DLC1: variants seen among roughly 807,000 people sequenced by gnomAD.
DLC1 encodes DLC1 Rho GTPase activating protein, also known as rho GTPase-activating protein 7.
Under a neutral mutation model 140.3 loss-of-function variants are expected in DLC1, and 54 were observed. The ratio of observed to expected loss-of-function variants is 0.38; its 90% CI spans 0.31 to 0.48. The LOEUF is 0.48. DLC1 is among the 20% of genes least tolerant of loss of function. The probability of loss-of-function intolerance (pLI) is 0.96; values close to 1 mark genes in which losing one functional copy is unlikely to be tolerated. For synonymous variants in DLC1, 986 were observed against 728.1 expected (o/e 1.35, Z -5.70); for missense variants, 2,536 against 1,907.0 (o/e 1.33, Z -6.14).
intron 5 of DLC1, among the ~76,000 whole-genome samples, chr8:13,291,406 T>C (rs1045746599): frequency 4.6e-5 from 7 of 152,218 alleles, no homozygotes; most frequent in Non-Finnish European, 1.0e-4. Flanking sequence ...AATATGTAAA[T>C]TTATTTCTGT....
intron 5 of DLC1, among the ~76,000 whole-genome samples, chr8:13,210,977 C>G (rs1827910593): frequency 1.3e-5 from 2 of 152,122 alleles, no homozygotes; most frequent in African/African-American, 4.8e-5. Context: ...CTTACAACTA[C>G]TAAACAAATA....
chr8:13,127,421 T>A (rs7840189), intron 5 of DLC1, among the ~76,000 whole-genome samples: 5 of 152,054 alleles, frequency 3.3e-5, no homozygotes, highest in Non-Finnish European at 4.4e-5. Flanking sequence ...GTTCTGGAAC[T>A]TCCCATGAAA....
chr8:13,328,765 G>C (rs572019159), intron 4 of DLC1, among the ~76,000 whole-genome samples: 4 of 151,676 alleles, frequency 2.6e-5, no homozygotes, highest in African/African-American at 7.2e-5. Flanking sequence ...GTGATGTGAT[G>C]AGCACCAGCC....
intron 2 of DLC1, among the ~76,000 whole-genome samples, chr8:13,493,544 T>TCTGAGAACATATGTG (rs1801361092): frequency 6.6e-6 from 1 of 152,208 alleles, no homozygotes; most frequent in South Asian, 2.1e-4. Flanking sequence ...ATTGATCATG[T>TCTGAGAACATATGTG]CTGAGAACAT....
chr8:13,416,637 C>T (rs186057857), intron 2 of DLC1, among the ~76,000 whole-genome samples: 1 of 152,092 alleles, frequency 6.6e-6, no homozygotes, highest in Non-Finnish European at 1.5e-5. Flanking sequence ...AAATCTCTAA[C>T]AAATAGGAAA....
intron 5 of DLC1, 133 bp downstream of exon 5, chr8:13,305,136 C>G: frequency 2.2e-6 from 3 of 1,348,376 alleles, no homozygotes; most frequent in Non-Finnish European, 2.9e-6. Context: ...ATTTCTTTTA[C>G]AGAATTTAAA....
intron 1 of DLC1, among the ~76,000 whole-genome samples, chr8:13,579,318 TATA>T (rs1563453804): frequency 0.033 from 183 of 5,466 alleles, 31 homozygotes; most frequent in Non-Finnish European, 0.046. Context: ...TCTGACTTTA[TATA>T]TATATATATA....
At chr8:13,170,754 T>A (rs56346239) in intron 5 of DLC1, among the ~76,000 whole-genome samples, 1,959 of 151,006 alleles carry the variant, frequency 0.013, 40 homozygotes, top group African/African-American at 0.045. Context: ...AAAAAAAGTT[T>A]CTGTATAATG....
At chr8:13,254,078 C>A (rs777955971) in intron 5 of DLC1, among the ~76,000 whole-genome samples, 1 of 151,942 alleles carries the variant, frequency 6.6e-6, no homozygotes, top group Non-Finnish European at 1.5e-5. Context: ...AGGAGACCTG[C>A]TTTAGGGTTA....
chr8:13,188,686 C>A (rs1350085057), intron 5 of DLC1, among the ~76,000 whole-genome samples: 2 of 140,824 alleles, frequency 1.4e-5, no homozygotes, highest in Admixed American at 7.3e-5. Context: ...CTCACTGCAA[C>A]TTCGTCCAAC....
In DLC1 at chr8:13,499,265, T is replaced by C. The variant is rs758083443; in HGVS notation, c.807A>G (p.Leu269=). The C allele has an allele frequency of 6.2e-7, 1 of 1,614,212 alleles. No homozygotes were observed. Among genetic ancestry groups the C allele is most frequent in the East Asian group, 2.2e-5 (1 of 44,882 alleles). ...GGCAGCTTCCAAAATCTGTTTTTAA[T>C]AATGGCAGTCCTCTGTTTGTGCAAG... ...DTPCTNRGLP[L]LKTDFGSCLL... The change falls in exon 2 of 18, where the codon TTA becomes TTG. Residue 269 remains leucine (L), a synonymous_variant. Coordinates refer to ENST00000276297, the MANE Select transcript of DLC1 (RefSeq NM_182643.3).
In DLC1 at chr8:13,136,860, G is replaced by C. The variant is rs183933444; in HGVS notation, c.1349-21203C>G. Reference sequence around the variant, plus strand: ...TATTTCATTCTCTTTTTTCATGGCTGTGTAGTTGAATATGTTATTTAGCTT... The same window carrying C: ...TATTTCATTCTCTTTTTTCATGGCTCTGTAGTTGAATATGTTATTTAGCTT... On this transcript the variant is annotated intron_variant, in intron 5 of 17. Coordinates refer to ENST00000276297, the MANE Select transcript of DLC1 (RefSeq NM_182643.3). Among the ~76,000 whole-genome samples, 298 of 152,250 alleles carry C rather than the reference G, an allele frequency of 2.0e-3. 1 individual carries two copies. Among genetic ancestry groups the C allele is most frequent in the African/African-American group, 6.7e-3 (279 of 41,552 alleles).
At chr8:13,306,801 A>G (rs1381621665) in intron 4 of DLC1, among the ~76,000 whole-genome samples, 2 of 151,932 alleles carry the variant, frequency 1.3e-5, no homozygotes, top group Non-Finnish European at 2.9e-5. Context: ...TAAAAAGTAG[A>G]GGCTGGGCAC....
intron 5 of DLC1, among the ~76,000 whole-genome samples, chr8:13,286,507 C>T (rs1380238768): frequency 6.6e-6 from 1 of 151,970 alleles, no homozygotes; most frequent in Non-Finnish European, 1.5e-5. Context: ...AAAAACATGT[C>T]AACTCAATAA....
intron 2 of DLC1, among the ~76,000 whole-genome samples, chr8:13,468,853 G>A (rs531553492): frequency 6.8e-5 from 8 of 117,876 alleles, no homozygotes; most frequent in Non-Finnish European, 1.1e-4. Flanking sequence ...ATGGAGTCTC[G>A]CTCTGTTGCC....
chr8:13,596,968 C>G (rs1046676147), intron 1 of DLC1, among the ~76,000 whole-genome samples: 4 of 151,884 alleles, frequency 2.6e-5, no homozygotes, highest in Non-Finnish European at 4.4e-5. Context: ...TGCAGATACA[C>G]TCTTTTGTTT....
At chr8:13,192,058 C>T in intron 5 of DLC1, among the ~76,000 whole-genome samples, 1 of 151,896 alleles carries the variant, frequency 6.6e-6, no homozygotes, top group Non-Finnish European at 1.5e-5. Context: ...TCTCCTGCCT[C>T]AGCCTCCCAA....
At position 13,434,820 on chromosome 8, in the gene DLC1, A is replaced by G. The variant is rs187514598; in HGVS notation, c.1024-33201T>C. Among the ~76,000 whole-genome samples, 19 of 152,244 alleles carry G rather than the reference A, an allele frequency of 1.2e-4. No homozygotes were observed. In the East Asian group the frequency reaches 3.7e-3, roughly 30 times the overall value. On this transcript the variant is annotated intron_variant, in intron 2 of 17. Transcript: ENST00000276297. ...CAGCCTCCTGAGTAGCTGGGACTAC[A>G]GGCCCTGCTCCAACACACCTGGCGA... is the stretch of plus-strand genomic sequence containing the variant.
In DLC1 at chr8:13,219,950, A is replaced by G. The variant is rs139609626; in HGVS notation, c.1348+85319T>C. 5.2e-3 allele frequency among the ~76,000 whole-genome samples: 799 copies of G among 152,306 alleles called. 14 individuals carry two copies. The highest frequency in any genetic ancestry group is 3.3e-3 in the Non-Finnish European group (226 of 68,032). ...GGCTACATACTGTCTTAATTCCACT[A>G]CATGAACTATCGAGAATAGATAAAT... is the stretch of plus-strand genomic sequence containing the variant. On this transcript the variant is annotated intron_variant, in intron 5 of 17. Transcript: ENST00000276297.
Sources: allele counts gnomAD v4.1 joint callset (sites outside exome capture counted in the v4.1 genomes callset), GRCh38; gene constraint gnomAD v4.1.1; transcripts MANE v1.5; gene names NCBI Gene and HGNC (gene_info 2026-07-23, HGNC 2026-07-21).